Variants in SERPINB13 observed in about 807,000 individuals in gnomAD.
The protein encoded by SERPINB13 is serpin family B member 13.
In SERPINB13, 26 loss-of-function variants were observed where a neutral mutation model predicts 31.2. The ratio of observed to expected loss-of-function variants is 0.83; its 90% CI spans 0.61 to 1.15. SERPINB13 has a LOEUF of 1.15. SERPINB13 is among the 50% of genes most tolerant of loss of function. The pLI is 0.00. For missense variants in SERPINB13, 510 were observed against 469.4 expected, an observed-to-expected ratio of 1.09 and a Z score of -0.80; for synonymous variants, 191 against 172.4, an observed-to-expected ratio of 1.11 and a Z score of -0.85.
At position 63,592,415 on chromosome 18, in the gene SERPINB13, A is replaced by C. The variant is rs764019375; in HGVS notation, c.293A>C (p.Asn98Thr). Residue 98 changes from asparagine to threonine, a missense_variant, in exon 4 of 8, where the codon AAT (asparagine) becomes ACT (threonine). Transcript: ENST00000344731. ...KFLTEISKLT[N>T]DYELNITNRL... Reference sequence around the variant, plus strand: ...TTGACTGAAATAAGCAAACTCACTAATGATTATGAACTGAACATAACCAAC... The same window carrying C: ...TTGACTGAAATAAGCAAACTCACTACTGATTATGAACTGAACATAACCAAC... 3.7e-6 allele frequency: 6 copies of C among 1,613,694 alleles called. No individual in the cohort carries two copies. Among genetic ancestry groups the C allele is most frequent in the Non-Finnish European group, 5.1e-6 (6 of 1,179,708 alleles).
At chr18:63,595,599 G>A (rs781245867) in intron 7 of SERPINB13, among the ~76,000 whole-genome samples, 1 of 152,082 alleles carries the variant, frequency 6.6e-6, no homozygotes, top group Admixed American at 6.6e-5. Context: ...CCATTCTGTG[G>A]TTAAAAAAAT....
At position 63,597,409 on chromosome 18, in the gene SERPINB13, C is replaced by T; in HGVS notation, c.*46C>T. On this transcript the variant is annotated 3_prime_UTR_variant, in exon 8 of 8. Coordinates refer to ENST00000344731, the MANE Select transcript of SERPINB13 (RefSeq NM_012397.4). ...TGCTGCTTTTAGCAAAAAACAACTA[C>T]CAGTGTTACTCATATGATTATGAAA... 6.5e-7 allele frequency: 1 copy of T among 1,542,212 alleles called. No individual in the cohort carries two copies. Among genetic ancestry groups the T allele is most frequent in the South Asian group, 1.2e-5 (1 of 82,094 alleles).
chr18:63,594,628 C>G, intron 6 of SERPINB13, 131 bp downstream of exon 6: 2 of 928,050 alleles, frequency 2.2e-6, no homozygotes, highest in Non-Finnish European at 3.2e-6. Flanking sequence ...ATCATGAGAT[C>G]AAGGGATCGA....
intron 3 of SERPINB13, 105 bp downstream of exon 3, chr18:63,589,820 G>A (rs922565377): frequency 6.3e-7 from 1 of 1,579,872 alleles, no homozygotes; most frequent in Non-Finnish European, 8.6e-7. Flanking sequence ...ACTGAGAAAG[G>A]CATGAAAGCA....
Position 63,597,461 on chromosome 18 carries a change from C to T in SERPINB13, c.*98C>T. 1 of 1,286,666 alleles carries T rather than the reference C, an allele frequency of 7.8e-7. No homozygotes were observed. The highest frequency in any genetic ancestry group is 1.1e-6 in the Non-Finnish European group (1 of 934,460). 79.7% of individuals were successfully genotyped at this position (1,286,666 alleles called of 1,614,324 possible). ...TCGTCCATTCTTTTAAATGTTGTCTCACTTGCATTTCCAGTCTTGGCCATC... is the reference window on the plus strand; with the variant it reads ...TCGTCCATTCTTTTAAATGTTGTCTTACTTGCATTTCCAGTCTTGGCCATC... On this transcript the variant is annotated 3_prime_UTR_variant, in exon 8 of 8. Transcript: ENST00000344731.
intron 5 of SERPINB13, 191 bp from the exon 6 acceptor site, chr18:63,594,164 A>T: frequency 3.3e-6 from 5 of 1,497,792 alleles, no homozygotes; most frequent in Non-Finnish European, 4.5e-6. Context: ...ATCCACTGGG[A>T]TAAATAGGCG....
intron 3 of SERPINB13, 99 bp from the exon 4 acceptor site, chr18:63,592,249 C>T: frequency 7.3e-7 from 1 of 1,379,198 alleles, no homozygotes; most frequent in Non-Finnish European, 9.9e-7. Context: ...TTGAGGCTGA[C>T]AAACGGAGGG....
In SERPINB13 at chr18:63,592,899, C is replaced by A. The variant is rs367819566; in HGVS notation, c.400C>A (p.Pro134Thr). Reference protein sequence around the residue: ...VEKYYHASLEPVDFVNAADES... With the variant: ...VEKYYHASLETVDFVNAADES... ...AAAATATTATCATGCATCTCTGGAA[C>A]CTGTTGATTTTGTAAATGCAGCCGA... is the stretch of plus-strand genomic sequence containing the variant. The change falls in exon 5 of 8, where the codon CCT becomes ACT. Residue 134 changes from proline (P) to threonine (T), a missense_variant. Transcript: ENST00000344731. 1.2e-6 allele frequency: 2 copies of A among 1,612,430 alleles called. No homozygotes were observed. Among genetic ancestry groups the A allele is most frequent in the African/African-American group, 1.3e-5 (1 of 74,784 alleles).
At chr18:63,594,311 C>G (rs751225311) in intron 5 of SERPINB13, 44 bp from the exon 6 acceptor site, 33 of 1,611,494 alleles carry the variant, frequency 2.0e-5, no homozygotes, top group Non-Finnish European at 2.8e-5. Flanking sequence ...TATTATTTGT[C>G]ATTTGGAAGA....
At chr18:63,594,073 C>G (rs901521265) in intron 5 of SERPINB13, 3 of 1,075,760 alleles carry the variant, frequency 2.8e-6, no homozygotes, top group Non-Finnish European at 3.9e-6. Flanking sequence ...CCCAAGATTC[C>G]TCAGCTGATA....
At chr18:63,587,602 T>C (rs1363804295) in intron 1 of SERPINB13, among the ~76,000 whole-genome samples, 152 bp downstream of exon 1, 1 of 152,260 alleles carries the variant, frequency 6.6e-6, no homozygotes, top group Non-Finnish European at 1.5e-5. Context: ...TGTATCTTCT[T>C]TGACAGTAAA....
intron 3 of SERPINB13, 163 bp downstream of exon 3, chr18:63,589,878 T>C (rs1911750263): frequency 7.3e-6 from 10 of 1,374,888 alleles, no homozygotes; most frequent in South Asian, 4.5e-5. Context: ...TAGACAAATA[T>C]TGTTGTAAGG....
At chr18:63,591,142 C>G (rs1450522241) in intron 3 of SERPINB13, among the ~76,000 whole-genome samples, 1 of 152,164 alleles carries the variant, frequency 6.6e-6, no homozygotes, top group African/African-American at 2.4e-5. Flanking sequence ...CGCCCCCATC[C>G]TCTCCTCAGA....
At position 63,588,710 on chromosome 18, in the gene SERPINB13, C is replaced by T; in HGVS notation, c.43C>T (p.Leu15Phe). 1.2e-6 allele frequency: 2 copies of T among 1,614,156 alleles called. No individual in the cohort carries two copies. Among genetic ancestry groups the T allele is most frequent in the Non-Finnish European group, 1.7e-6 (2 of 1,180,012 alleles). ...CGTCAGCACTCGACTTGGGTTTGAT[C>T]TTTTCAAAGAGCTGAAGAAAACAAA... Reference protein sequence around the residue: ...GAVSTRLGFDLFKELKKTNDG... With the variant: ...GAVSTRLGFDFFKELKKTNDG... Residue 15 changes from leucine to phenylalanine, a missense_variant, in exon 2 of 8, where the codon CTT becomes TTT. Leu to Phe is a conservative substitution (Grantham distance 22, BLOSUM62 0). Transcript: ENST00000344731.
intron 7 of SERPINB13, among the ~76,000 whole-genome samples, chr18:63,596,662 A>G (rs1912185526): frequency 6.6e-6 from 1 of 152,244 alleles, no homozygotes; most frequent in Non-Finnish European, 1.5e-5. Context: ...ATGCATTCAA[A>G]GACTAGGAGA....
rs780303600 is a variant in SERPINB13 at position 63,597,232 on chromosome 18, A to G, written c.1045A>G (p.Thr349Ala). 2.5e-6 allele frequency: 4 copies of G among 1,614,112 alleles called. No individual in the cohort carries two copies. The highest frequency in any genetic ancestry group is 3.3e-5 in the Admixed American group (2 of 60,004). Residue 349 changes from threonine to alanine, a missense_variant, in exon 8 of 8, where the codon ACC becomes GCC. Coordinates refer to ENST00000344731, the MANE Select transcript of SERPINB13 (RefSeq NM_012397.4). ...TEEGTEAAAA[T>A]GIGFTVTSAP... ...GGAAGGCACCGAGGCTGCAGCTGCC[A>G]CCGGCATAGGCTTTACTGTCACATC...
Position 63,598,151 on chromosome 18 carries a change from A to C in SERPINB13, c.*788A>C, listed in dbSNP as rs2144420178. 1 of 150,954 alleles carries C rather than the reference A, an allele frequency of 6.6e-6. No individual in the cohort carries two copies. Among genetic ancestry groups the C allele is most frequent in the Non-Finnish European group, 1.5e-5 (1 of 67,788 alleles). 9.4% of individuals were successfully genotyped at this position (150,954 alleles called of 1,614,324 possible). A position where few individuals can be genotyped will look rare whatever the true frequency, so the allele number is the denominator to read the frequency against. On this transcript the variant is annotated 3_prime_UTR_variant, in exon 8 of 8. Coordinates refer to ENST00000344731, the MANE Select transcript of SERPINB13 (RefSeq NM_012397.4). ...TTTTGAGTGAGGTACGAGTATTACC[A>C]AATGATATTTTCTGAAGATGCTTTT...
At chr18:63,596,176 C>T (rs1333313017) in intron 7 of SERPINB13, among the ~76,000 whole-genome samples, 3 of 152,134 alleles carry the variant, frequency 2.0e-5, no homozygotes, top group Admixed American at 6.5e-5. Flanking sequence ...ATGATAACTG[C>T]TATCGTCTTA....
At chr18:63,594,158 A>T (rs1237345571) in intron 5 of SERPINB13, 197 bp from the exon 6 acceptor site, 1 of 1,489,344 alleles carries the variant, frequency 6.7e-7, no homozygotes, top group Non-Finnish European at 9.0e-7. Flanking sequence ...TAATTTATCC[A>T]CTGGGATAAA....
Sources: gnomAD v4.1 joint callset for allele counts (sites outside exome capture counted in the v4.1 genomes callset) on GRCh38, gnomAD v4.1.1 for gene constraint, MANE v1.5 for transcripts, NCBI Gene and HGNC (gene_info 2026-07-23, HGNC 2026-07-21) for gene names.